The following GRIK3 variants were observed in gnomAD, a reference collection of about 807,000 sequenced individuals.
GRIK3 encodes the protein glutamate ionotropic receptor kainate type subunit 3.
A neutral mutation model predicts 102.5 loss-of-function variants in GRIK3; 29 were observed. That is an observed-to-expected ratio of 0.28 (90% confidence interval 0.21 to 0.39). The LOEUF is 0.39. Among genes scored for constraint, GRIK3 ranks in the 10% least tolerant of loss-of-function variants. GRIK3 has a pLI of 1.00. For synonymous variants in GRIK3, 511 were observed against 504.9 expected (o/e 1.01, Z -0.16); for missense variants, 908 against 1,252.4 (o/e 0.73, Z 4.15).
rs1344104796 is a variant in GRIK3, at chr1:36,891,116, T to C, written c.116-20A>G. Reference sequence around the variant, plus strand: ...TTCCTCCTGTGAAAGATGAGTAAAATTGTGTGTGGTTGGGAGGAGGGATGG... The same window carrying C: ...TTCCTCCTGTGAAAGATGAGTAAAACTGTGTGTGGTTGGGAGGAGGGATGG... On this transcript the variant is annotated intron_variant, in intron 1 of 15. Coordinates refer to ENST00000373091, the MANE Select transcript of GRIK3 (RefSeq NM_000831.4). 7.5e-6 allele frequency: 12 copies of C among 1,593,464 alleles called. No individual in the cohort carries two copies. The highest frequency in any genetic ancestry group is 8.6e-6 in the Non-Finnish European group (10 of 1,166,522).
intron 1 of GRIK3, among the ~76,000 whole-genome samples, chr1:36,992,112 A>C (rs895950982): frequency 2.6e-5 from 4 of 152,062 alleles, no homozygotes; most frequent in African/African-American, 9.7e-5. Flanking sequence ...GCTCAAATTT[A>C]CTCATATCTC....
At chr1:37,014,096 C>T (rs565704416) in intron 1 of GRIK3, among the ~76,000 whole-genome samples, 1 of 152,366 alleles carries the variant, frequency 6.6e-6, no homozygotes, top group South Asian at 2.1e-4. Context: ...GCCTTAGCCA[C>T]CTCTCCAGAG....
intron 13 of GRIK3, 138 bp downstream of exon 13, chr1:36,816,922 C>T (rs1345311120): frequency 1.9e-5 from 12 of 641,856 alleles, no homozygotes; most frequent in Admixed American, 2.8e-5. Flanking sequence ...AGTCCAAACA[C>T]GGTGGGGCTG....
At chr1:37,026,342 A>C (rs1307595790) in intron 1 of GRIK3, among the ~76,000 whole-genome samples, 2 of 152,160 alleles carry the variant, frequency 1.3e-5, no homozygotes, top group Non-Finnish European at 2.9e-5. Context: ...TGCTAGGCCC[A>C]CCAACTCCAG....
At chr1:36,830,759 C>T (rs920058603) in intron 10 of GRIK3, among the ~76,000 whole-genome samples, 1 of 137,302 alleles carries the variant, frequency 7.3e-6, no homozygotes, top group African/African-American at 2.7e-5. Flanking sequence ...TGCAGTGAGC[C>T]GAGATCACAT....
chr1:36,962,580 G>A (rs1022890706), intron 1 of GRIK3, among the ~76,000 whole-genome samples: 1 of 151,758 alleles, frequency 6.6e-6, no homozygotes, highest in South Asian at 2.1e-4. Flanking sequence ...GGCCTGAGGC[G>A]AGCAAGCAGA....
At chr1:36,847,226 A>G (rs185659191) in intron 9 of GRIK3, among the ~76,000 whole-genome samples, 2 of 152,340 alleles carry the variant, frequency 1.3e-5, no homozygotes, top group Admixed American at 6.5e-5. Context: ...CTGGAGTTCT[A>G]TATCTCAGTA....
intron 1 of GRIK3, among the ~76,000 whole-genome samples, chr1:36,983,592 C>T (rs922667051): frequency 5.9e-5 from 9 of 151,986 alleles, no homozygotes; most frequent in Non-Finnish European, 1.3e-4. Context: ...GGCATTTGCT[C>T]AAGGTCACGC....
intron 1 of GRIK3, among the ~76,000 whole-genome samples, chr1:36,996,678 G>A (rs930602886): frequency 1.3e-5 from 2 of 152,116 alleles, no homozygotes; most frequent in Non-Finnish European, 2.9e-5. Flanking sequence ...CTTCCCCACC[G>A]GGCGCTTTCC....
chr1:37,029,227 T>G (rs1642795187), intron 1 of GRIK3, among the ~76,000 whole-genome samples: 1 of 152,214 alleles, frequency 6.6e-6, no homozygotes, highest in Non-Finnish European at 1.5e-5. Context: ...CCTTAGTGCA[T>G]CTGTCTTCCC....
intron 1 of GRIK3, among the ~76,000 whole-genome samples, chr1:36,933,249 C>T (rs1205164706): frequency 6.6e-6 from 1 of 152,196 alleles, no homozygotes; most frequent in East Asian, 1.9e-4. Context: ...CATTCCCCAC[C>T]TCTCTGCCAA....
intron 2 of GRIK3, among the ~76,000 whole-genome samples, chr1:36,889,352 C>T (rs973812717): frequency 1.4e-4 from 21 of 151,626 alleles, no homozygotes; most frequent in African/African-American, 4.9e-4. Flanking sequence ...GGAAGCATGG[C>T]ACCCTGAGGA....
intron 3 of GRIK3, among the ~76,000 whole-genome samples, chr1:36,875,278 C>G (rs1292179154): frequency 1.3e-5 from 2 of 152,156 alleles, no homozygotes; most frequent in Non-Finnish European, 2.9e-5. Flanking sequence ...TGTTTAATAC[C>G]ATCCTTTCAC....
chr1:36,803,468 G>T (rs116425600), intron 15 of GRIK3, among the ~76,000 whole-genome samples: 1,574 of 152,142 alleles, frequency 0.01, 30 homozygotes, highest in African/African-American at 0.036. Flanking sequence ...CGAAGTCTCT[G>T]TCTCCATGCT....
chr1:36,936,826 G>C (rs1430243353), intron 1 of GRIK3, among the ~76,000 whole-genome samples: 1 of 146,408 alleles, frequency 6.8e-6, no homozygotes, highest in East Asian at 2.0e-4. Context: ...TTTTTTTTCT[G>C]ATGGAACATT....
At chr1:36,870,928 T>G (rs1853884) in intron 4 of GRIK3, among the ~76,000 whole-genome samples, 133,617 of 148,774 alleles carry the variant, frequency 0.9, 60,112 homozygotes, top group East Asian at 0.99. Flanking sequence ...TGGTGGGGGT[T>G]GGGGTAGGGG....
At chr1:36,844,395 T>C (rs1640496209) in intron 9 of GRIK3, among the ~76,000 whole-genome samples, 1 of 152,204 alleles carries the variant, frequency 6.6e-6, no homozygotes, top group South Asian at 2.1e-4. Context: ...AAGGAGGACA[T>C]CGGCTGGTCC....
rs575216512 is a variant in GRIK3, at chr1:36,798,867, A to G, written c.*2984T>C. On this transcript the variant is annotated 3_prime_UTR_variant, in exon 16 of 16. Transcript: ENST00000373091. ...CATTTTGGGGGGTTTCTCGAATTGA[A>G]TTCTGCCTCTATTTATCCACTATTC... 4 of 152,344 alleles carry G rather than the reference A, an allele frequency of 2.6e-5. No individual in the cohort carries two copies. The East Asian group carries it at 7.7e-4, about 29-fold the overall frequency. 9.4% of individuals were successfully genotyped at this position (152,344 alleles called of 1,614,324 possible).
chr1:37,023,096 T>C (rs1438961247), intron 1 of GRIK3, among the ~76,000 whole-genome samples: 2 of 151,890 alleles, frequency 1.3e-5, no homozygotes, highest in Non-Finnish European at 1.5e-5. Context: ...TGGGAGGCCA[T>C]GGTGGGCAGA....
Sources: allele counts gnomAD v4.1 joint callset (sites outside exome capture counted in the v4.1 genomes callset), GRCh38; gene constraint gnomAD v4.1.1; transcripts MANE v1.5; gene names NCBI Gene and HGNC (gene_info 2026-07-23, HGNC 2026-07-21).